The following GLRA1 variants were observed in gnomAD, a reference collection of about 807,000 sequenced individuals.
GLRA1 encodes glycine receptor alpha 1.
In GLRA1, 37 loss-of-function variants were observed where a neutral mutation model predicts 48.3. That is an observed-to-expected ratio of 0.77 (90% CI 0.59 to 1.01). The LOEUF is 1.01. Among genes scored for constraint, GLRA1 ranks in the 50% least tolerant of loss-of-function variants. GLRA1 has a pLI of 0.00. For missense variants in GLRA1, 427 were observed against 571.0 expected (o/e 0.75, Z 2.57); for synonymous variants, 196 against 210.7 (o/e 0.93, Z 0.60).
At chr5:151,890,984 C>T (rs1022834025) in intron 2 of GLRA1, among the ~76,000 whole-genome samples, 22 of 152,256 alleles carry the variant, frequency 1.4e-4, no homozygotes, top group East Asian at 1.4e-3. Context: ...CAGAGCTGTG[C>T]GGAGCAAGCA....
chr5:151,885,300 C>T (rs935372256), intron 3 of GLRA1, among the ~76,000 whole-genome samples: 1 of 152,130 alleles, frequency 6.6e-6, no homozygotes, highest in African/African-American at 2.4e-5. Flanking sequence ...GGGGTTCCCA[C>T]AGGAAATGAA....
intron 3 of GLRA1, among the ~76,000 whole-genome samples, chr5:151,868,446 C>T (rs1449939812): frequency 6.6e-6 from 1 of 152,154 alleles, no homozygotes; most frequent in Non-Finnish European, 1.5e-5. Context: ...TTGTTATTCT[C>T]ATTTTGCAGG....
chr5:151,831,380 A>G (rs1254013297), intron 7 of GLRA1, among the ~76,000 whole-genome samples: 1 of 152,246 alleles, frequency 6.6e-6, no homozygotes, highest in Non-Finnish European at 1.5e-5. Flanking sequence ...CACGGAGCCC[A>G]GCAAGCTAAG....
intron 7 of GLRA1, among the ~76,000 whole-genome samples, chr5:151,840,779 T>C (rs1763695770): frequency 6.7e-6 from 1 of 148,172 alleles, no homozygotes; most frequent in African/African-American, 2.5e-5. Flanking sequence ...AAAAAAATTG[T>C]TAATAAGAGA....
At chr5:151,912,008 T>A (rs1056265843) in intron 1 of GLRA1, among the ~76,000 whole-genome samples, 1 of 152,190 alleles carries the variant, frequency 6.6e-6, no homozygotes, top group Non-Finnish European at 1.5e-5. Context: ...CATAGTTCTG[T>A]CTCATTTTAG....
intron 4 of GLRA1, among the ~76,000 whole-genome samples, chr5:151,859,579 T>C (rs377216445): frequency 6.6e-6 from 1 of 152,222 alleles, no homozygotes; most frequent in African/African-American, 2.4e-5. Context: ...TAATAAATCA[T>C]TGGCTCCTGA....
rs760694576 is a variant in GLRA1, at chr5:151,855,254, A to T, written c.560-77T>A. ...AAGCATGTCAGGATTGGTTAGGGTT[A>T]GAGACTGAGAGAGACATCAGACACT... On this transcript the variant is annotated intron_variant, in intron 5 of 8. Transcript: ENST00000274576. The T allele has an allele frequency of 2.2e-6, 3 of 1,342,390 alleles. No homozygotes were observed. The African/African-American group carries it at 4.3e-5, about 19-fold the overall frequency. 83.2% of individuals were successfully genotyped at this position (1,342,390 alleles called of 1,614,324 possible).
chr5:151,890,578 TA>T (rs1468620497), intron 2 of GLRA1, among the ~76,000 whole-genome samples: 1 of 152,236 alleles, frequency 6.6e-6, no homozygotes, highest in African/African-American at 2.4e-5. Context: ...AGATTTCAGA[TA>T]AAACCTCAGA....
intron 8 of GLRA1, among the ~76,000 whole-genome samples, chr5:151,827,841 CTCTG>C (rs1462971218): frequency 6.6e-6 from 1 of 152,144 alleles, no homozygotes; most frequent in Non-Finnish European, 1.5e-5. Context: ...ACTTCAGACT[CTCTG>C]TCTGAAGGCT....
intron 8 of GLRA1, 71 bp downstream of exon 8, chr5:151,828,848 CAA>C: frequency 6.9e-7 from 1 of 1,444,250 alleles, no homozygotes; most frequent in Non-Finnish European, 9.5e-7. Flanking sequence ...ACAAATAACA[CAA>C]GACAATACTG....
intron 1 of GLRA1, among the ~76,000 whole-genome samples, chr5:151,895,096 A>G (rs1411366697): frequency 2.0e-5 from 3 of 152,190 alleles, no homozygotes; most frequent in Non-Finnish European, 4.4e-5. Context: ...ATGGATGTGT[A>G]TGGATATATA....
chr5:151,836,548 T>C (rs1336393301), intron 7 of GLRA1, among the ~76,000 whole-genome samples: 1 of 152,154 alleles, frequency 6.6e-6, no homozygotes, highest in Non-Finnish European at 1.5e-5. Context: ...ACTACCCAAC[T>C]TCAAGCTATA....
chr5:151,923,634 A>T (rs1011666511), intron 1 of GLRA1, among the ~76,000 whole-genome samples: 1 of 152,216 alleles, frequency 6.6e-6, no homozygotes, highest in African/African-American at 2.4e-5. Flanking sequence ...TTCACTTTTC[A>T]CTTCTACTAA....
intron 6 of GLRA1, among the ~76,000 whole-genome samples, chr5:151,852,095 GA>G (rs1752927933): frequency 1.3e-5 from 2 of 152,166 alleles, no homozygotes; most frequent in South Asian, 4.2e-4. Context: ...TTACCTACAG[GA>G]AAAAGTTTAA....
intron 1 of GLRA1, 26 bp from the exon 2 acceptor site, chr5:151,892,464 A>C (rs1754103925): frequency 6.2e-7 from 1 of 1,612,894 alleles, no homozygotes. Context: ...GGAGAGCAAA[A>C]GGTTAATGAT....
At chr5:151,895,298 G>T (rs1754202717) in intron 1 of GLRA1, among the ~76,000 whole-genome samples, 1 of 152,130 alleles carries the variant, frequency 6.6e-6, no homozygotes, top group South Asian at 2.1e-4. Context: ...GGGGTATAGG[G>T]TGTGGATGTG....
chr5:151,840,789 A>T (rs1763695880), intron 7 of GLRA1, among the ~76,000 whole-genome samples: 2 of 151,846 alleles, frequency 1.3e-5, no homozygotes, highest in African/African-American at 4.8e-5. Context: ...TTAATAAGAG[A>T]TGAAGAGCAT....
intron 4 of GLRA1, among the ~76,000 whole-genome samples, chr5:151,858,229 G>T (rs1266278156): frequency 1.3e-5 from 2 of 152,146 alleles, no homozygotes; most frequent in Non-Finnish European, 2.9e-5. Flanking sequence ...AGCAAAAGGG[G>T]AAAAATGGAA....
At chr5:151,916,458 A>C (rs1327851085) in intron 1 of GLRA1, among the ~76,000 whole-genome samples, 1 of 152,240 alleles carries the variant, frequency 6.6e-6, no homozygotes, top group Non-Finnish European at 1.5e-5. Flanking sequence ...GCTGAAGATC[A>C]TAGTAGTTAC....
Sources: gnomAD v4.1 joint callset for allele counts (sites outside exome capture counted in the v4.1 genomes callset) on GRCh38, gnomAD v4.1.1 for gene constraint, MANE v1.5 for transcripts, NCBI Gene and HGNC (gene_info 2026-07-23, HGNC 2026-07-21) for gene names.